DNM3: variants seen among roughly 807,000 people sequenced by gnomAD.
DNM3 encodes the protein dynamin 3.
DNM3 carries 47 observed loss-of-function variants against 101.6 expected under a neutral mutation model. That is an observed-to-expected ratio of 0.46 (90% CI 0.37 to 0.59). The LOEUF (loss-of-function observed/expected upper bound fraction) is 0.59, where lower values mean the gene tolerates loss of function less well. Ranked by LOEUF, DNM3 falls within the 20% of genes least tolerant of loss-of-function variation. The pLI, the probability that DNM3 is intolerant of heterozygous loss-of-function variation, is 0.00. For synonymous variants in DNM3, 385 were observed against 387.9 expected, an observed-to-expected ratio of 0.99 and a Z score of 0.09; for missense variants, 849 against 1,085.7, an observed-to-expected ratio of 0.78 and a Z score of 3.06.
chr1:172,257,899 C>T (rs2062476197), intron 15 of DNM3, among the ~76,000 whole-genome samples: 2 of 150,264 alleles, frequency 1.3e-5, no homozygotes, highest in Admixed American at 1.3e-4. Flanking sequence ...CACACACACA[C>T]ACACACAGAC....
At chr1:172,123,704 G>A (rs995098685) in intron 13 of DNM3, among the ~76,000 whole-genome samples, 3 of 152,186 alleles carry the variant, frequency 2.0e-5, no homozygotes, top group Non-Finnish European at 2.9e-5. Flanking sequence ...AATGTGAGAA[G>A]TCACTTTACT....
At chr1:172,317,082 A>T (rs1249069226) in intron 16 of DNM3, among the ~76,000 whole-genome samples, 2 of 151,868 alleles carry the variant, frequency 1.3e-5, no homozygotes, top group Non-Finnish European at 2.9e-5. Flanking sequence ...GGATTAAGAA[A>T]CTCACTCAAA....
At chr1:171,921,645 T>G in intron 1 of DNM3, 103 bp from the exon 2 acceptor site, 1 of 897,000 alleles carries the variant, frequency 1.1e-6, no homozygotes, top group South Asian at 1.5e-5. Context: ...AGCGATACAT[T>G]GAAAGGTTGG....
At chr1:172,380,328 T>A (rs2068828823) in intron 18 of DNM3, among the ~76,000 whole-genome samples, 1 of 152,086 alleles carries the variant, frequency 6.6e-6, no homozygotes, top group Non-Finnish European at 1.5e-5. Flanking sequence ...TTGTTCATAT[T>A]TCATGGTTAA....
chr1:171,888,766 G>T (rs1448977394), intron 1 of DNM3, among the ~76,000 whole-genome samples: 1 of 152,076 alleles, frequency 6.6e-6, no homozygotes, highest in Non-Finnish European at 1.5e-5. Flanking sequence ...AACTAACAAA[G>T]ATATCTTGGT....
chr1:171,928,442 C>G (rs1451012479), intron 2 of DNM3, among the ~76,000 whole-genome samples: 1 of 152,016 alleles, frequency 6.6e-6, no homozygotes, highest in Non-Finnish European at 1.5e-5. Context: ...GGCTCCACCC[C>G]AGAGAGATGC....
At chr1:171,987,426 A>G (rs2125614449) in intron 2 of DNM3, 1 of 696,776 alleles carries the variant, frequency 1.4e-6, no homozygotes, top group Non-Finnish European at 1.8e-6. Context: ...TGGTTTTAGT[A>G]TTTAATTGCT....
chr1:172,314,804 G>C (rs940470491), intron 16 of DNM3, among the ~76,000 whole-genome samples: 8 of 152,304 alleles, frequency 5.3e-5, no homozygotes, highest in Non-Finnish European at 1.0e-4. Flanking sequence ...TCCACCTCTG[G>C]GGGCAGGGCA....
intron 13 of DNM3, among the ~76,000 whole-genome samples, chr1:172,124,906 T>TC (rs2056536927): frequency 6.6e-6 from 1 of 152,144 alleles, no homozygotes; most frequent in East Asian, 1.9e-4. Context: ...TATAGTTAAA[T>TC]CCCTGTCTCA....
intron 17 of DNM3, among the ~76,000 whole-genome samples, chr1:172,332,467 A>G (rs1247305257): frequency 6.6e-6 from 1 of 152,112 alleles, no homozygotes; most frequent in Non-Finnish European, 1.5e-5. Flanking sequence ...ATGCTGCCAC[A>G]TCCGGCTAAT....
At chr1:172,289,877 A>T (rs1203133691) in intron 15 of DNM3, 2 of 975,236 alleles carry the variant, frequency 2.1e-6, no homozygotes, top group Non-Finnish European at 2.4e-6. Flanking sequence ...CATAATTTGT[A>T]GTTTTATTGT....
intron 2 of DNM3, among the ~76,000 whole-genome samples, chr1:171,982,915 T>G (rs1245352363): frequency 6.6e-6 from 1 of 152,166 alleles, no homozygotes; most frequent in Non-Finnish European, 1.5e-5. Context: ...ATGCTCATTG[T>G]TCTGCCTCTT....
At chr1:172,022,927 A>G (rs2047945448) in intron 4 of DNM3, among the ~76,000 whole-genome samples, 1 of 152,078 alleles carries the variant, frequency 6.6e-6, no homozygotes, top group Non-Finnish European at 1.5e-5. Flanking sequence ...TATAATCCTG[A>G]AAATGTTATT....
chr1:171,905,616 A>C (rs1220393723), intron 1 of DNM3, among the ~76,000 whole-genome samples: 1 of 152,144 alleles, frequency 6.6e-6, no homozygotes, highest in Non-Finnish European at 1.5e-5. Context: ...GCTAAAAAAT[A>C]TTTACTTCAT....
intron 16 of DNM3, among the ~76,000 whole-genome samples, chr1:172,322,653 T>A (rs554771987): frequency 1.3e-5 from 2 of 152,184 alleles, no homozygotes; most frequent in South Asian, 4.2e-4. Flanking sequence ...TGTGGACTCA[T>A]GTTTGTTTTG....
chr1:172,354,033 C>T (rs7536435), intron 17 of DNM3, among the ~76,000 whole-genome samples: 33 of 144,998 alleles, frequency 2.3e-4, no homozygotes, highest in Admixed American at 1.6e-3. Context: ...GTAACTTCTC[C>T]GAAATAGGTA....
rs1424631215 is a variant in DNM3 at position 172,033,124 on chromosome 1, C to T, written c.708C>T (p.Asn236=). The change falls in exon 6 of 21, where the codon AAC becomes AAT. Residue 236 remains asparagine (N), a synonymous_variant. Coordinates refer to ENST00000627582, the MANE Select transcript of DNM3 (RefSeq NM_015569.5). ...PLRRGYVGVV[N]RSQKDIDGKK... ...TTTCAGGTTACGTGGGGGTGGTAAACAGAAGCCAGAAGGACATAGATGGGA... is the reference window on the plus strand; with the variant it reads ...TTTCAGGTTACGTGGGGGTGGTAAATAGAAGCCAGAAGGACATAGATGGGA... The T allele has an allele frequency of 6.2e-7, 1 of 1,612,360 alleles. No individual in the cohort carries two copies. The highest frequency in any genetic ancestry group is 8.5e-7 in the Non-Finnish European group (1 of 1,179,216).
At chr1:172,003,455 A>C (rs968111185) in intron 4 of DNM3, among the ~76,000 whole-genome samples, 3 of 152,016 alleles carry the variant, frequency 2.0e-5, no homozygotes, top group Non-Finnish European at 4.4e-5. Context: ...AAAATATGAC[A>C]ATGAAAAAAA....
chr1:171,898,474 T>C (rs1476750261), intron 1 of DNM3, among the ~76,000 whole-genome samples: 1 of 152,130 alleles, frequency 6.6e-6, no homozygotes, highest in African/African-American at 2.4e-5. Context: ...TAAAATTTAA[T>C]CGAGAGATTA....
Sources: allele counts gnomAD v4.1 joint callset (sites outside exome capture counted in the v4.1 genomes callset), GRCh38; gene constraint gnomAD v4.1.1; transcripts MANE v1.5; gene names NCBI Gene and HGNC (gene_info 2026-07-23, HGNC 2026-07-21).